Variants in CTBP2 observed in about 807,000 individuals in gnomAD.
CTBP2 encodes the protein C-terminal-binding protein 2.
Under a neutral mutation model 80.3 loss-of-function variants are expected in CTBP2, and 30 were observed. That is an observed-to-expected ratio of 0.37 (90% CI 0.28 to 0.51). The LOEUF (loss-of-function observed/expected upper bound fraction) is 0.51, where lower values mean the gene tolerates loss of function less well. Among genes scored for constraint, CTBP2 ranks in the 20% least tolerant of loss-of-function variants. The probability of loss-of-function intolerance (pLI) is 0.93; values close to 1 mark genes in which losing one functional copy is unlikely to be tolerated. For missense variants in CTBP2, 1,212 were observed against 1,375.3 expected, an observed-to-expected ratio of 0.88 and a Z score of 1.88; for synonymous variants, 594 against 587.4, an observed-to-expected ratio of 1.01 and a Z score of -0.16.
chr10:125,123,250 T>TA (rs1267973942), intron 1 of CTBP2, among the ~76,000 whole-genome samples: 5 of 152,096 alleles, frequency 3.3e-5, no homozygotes, highest in Admixed American at 2.0e-4. Context: ...CTGGTACAAA[T>TA]AGAGACCTAC....
upstream of CTBP2, chr10:125,160,922 C>T (rs998879534): frequency 1.3e-5 from 2 of 150,012 alleles, no homozygotes; most frequent in South Asian, 2.1e-4. Context: ...TTTGTTTTCT[C>T]CTCCGGGGAA....
At chr10:125,005,000 G>A (rs548350442) in intron 1 of CTBP2, among the ~76,000 whole-genome samples, 8 of 152,296 alleles carry the variant, frequency 5.3e-5, no homozygotes, top group African/African-American at 1.9e-4. Context: ...AGCCACGGGG[G>A]GGCTCCTGCT....
At chr10:125,032,366 T>C (rs1201155451), upstream of CTBP2, among the ~76,000 whole-genome samples, 1 of 152,198 alleles carries the variant, frequency 6.6e-6, no homozygotes, top group East Asian at 1.9e-4. Context: ...CACACTCCAC[T>C]GTTTGAGGTC....
At chr10:125,050,071 A>G (rs1962344320) in intron 2 of CTBP2, among the ~76,000 whole-genome samples, 1 of 149,152 alleles carries the variant, frequency 6.7e-6, no homozygotes, top group South Asian at 2.2e-4. Context: ...ATCACTCATC[A>G]TGCAAAGGCT....
chr10:125,016,397 T>C (rs1230710972), intron 1 of CTBP2, among the ~76,000 whole-genome samples: 1 of 152,240 alleles, frequency 6.6e-6, no homozygotes, highest in Non-Finnish European at 1.5e-5. Context: ...TGGAATCAGA[T>C]GGACCAATTC....
At chr10:125,100,425 T>C (rs762571194) in intron 2 of CTBP2, among the ~76,000 whole-genome samples, 5 of 152,114 alleles carry the variant, frequency 3.3e-5, no homozygotes, top group Non-Finnish European at 5.9e-5. Flanking sequence ...ATTTCCTAGG[T>C]AAGATACTGG....
chr10:125,040,073 A>T (rs965643962), intron 2 of CTBP2, among the ~76,000 whole-genome samples: 3 of 152,178 alleles, frequency 2.0e-5, no homozygotes, highest in African/African-American at 7.2e-5. Context: ...GTGCCCGGTG[A>T]GGTCCAGATC....
At chr10:125,131,152 A>G (rs572859828) in intron 1 of CTBP2, among the ~76,000 whole-genome samples, 13 of 152,292 alleles carry the variant, frequency 8.5e-5, no homozygotes, top group Admixed American at 7.8e-4. Context: ...CAGCCCGCAG[A>G]GTGCAGGCTG....
chr10:125,087,699 A>C (rs1231208430), intron 2 of CTBP2, among the ~76,000 whole-genome samples: 2 of 152,246 alleles, frequency 1.3e-5, no homozygotes, highest in African/African-American at 4.8e-5. Context: ...TTGTTTAAGC[A>C]CAAGAGGTCT....
At chr10:125,074,277 T>C (rs1257267571) in intron 2 of CTBP2, among the ~76,000 whole-genome samples, 1 of 152,182 alleles carries the variant, frequency 6.6e-6, no homozygotes, top group African/African-American at 2.4e-5. Context: ...TGCAGACAAT[T>C]GGCTGTAGGC....
At chr10:125,090,047 C>G (rs1178050755) in intron 2 of CTBP2, among the ~76,000 whole-genome samples, 1 of 152,130 alleles carries the variant, frequency 6.6e-6, no homozygotes, top group African/African-American at 2.4e-5. Flanking sequence ...ACGGCCAAAG[C>G]TATACTTGCT....
At chr10:124,997,851 CT>C in intron 4 of CTBP2, 112 bp downstream of exon 6, 1 of 1,163,752 alleles carries the variant, frequency 8.6e-7, no homozygotes, top group Non-Finnish European at 1.2e-6. Flanking sequence ...GGTGCTGGCC[CT>C]GCCTGCCCTG....
rs536100425 is a variant in CTBP2 at position 125,015,695 on chromosome 10, G to A, written c.1678+10387C>T. ...CCCGCCCGCTGTGTGGATACCGCTG[G>A]TGGAGGTGTTGGGTGAACAGCTCTC... On this transcript the variant is annotated intron_variant, in intron 1 of 8. Transcript: ENST00000309035. 1.2e-4 allele frequency among the ~76,000 whole-genome samples: 18 copies of A among 152,392 alleles called. No homozygotes were observed. The South Asian group carries it at 3.5e-3, about 30-fold the overall frequency.
intron 1 of CTBP2, among the ~76,000 whole-genome samples, chr10:125,021,768 C>T (rs1957061268): frequency 6.6e-6 from 1 of 152,150 alleles, no homozygotes; most frequent in Non-Finnish European, 1.5e-5. Flanking sequence ...AACACCGGGC[C>T]ATGAAACCCA....
At chr10:125,070,634 T>G (rs981464748) in intron 2 of CTBP2, among the ~76,000 whole-genome samples, 1 of 151,368 alleles carries the variant, frequency 6.6e-6, no homozygotes, top group South Asian at 2.1e-4. Flanking sequence ...ATATGAAATC[T>G]GTATTATCAT....
At chr10:125,098,668 GAGAGAGAGAGA>G (rs1849985736) in intron 2 of CTBP2, among the ~76,000 whole-genome samples, 3 of 85,672 alleles carry the variant, frequency 3.5e-5, no homozygotes, top group African/African-American at 5.3e-5. Context: ...GAGAGAGAGA[GAGAGAGAGAGA>G]GAGAGAGAGA....
intron 2 of CTBP2, among the ~76,000 whole-genome samples, chr10:125,065,336 A>G (rs1213402965): frequency 7.1e-6 from 1 of 140,416 alleles, no homozygotes; most frequent in African/African-American, 2.8e-5. Flanking sequence ...GCACACATGA[A>G]TCTGTGCTTT....
intron 2 of CTBP2, among the ~76,000 whole-genome samples, chr10:125,087,786 G>T (rs948928665): frequency 6.6e-6 from 1 of 152,216 alleles, no homozygotes; most frequent in Non-Finnish European, 1.5e-5. Flanking sequence ...GCAGCTCACA[G>T]CATGTACATG....
rs74442958 is a variant in CTBP2 at position 124,998,036 on chromosome 10, C to A, written c.2113G>T (p.Val705Leu). ...GAGGCCACCTCGCGGATCTGCTCCA[C>A]GCTCTGAACCCGCGTGCCTTCCCGC... is the stretch of plus-strand genomic sequence containing the variant. Residue 705 changes from valine to leucine, a missense_variant, in exon 4 of 9, where the codon GTG becomes TTG. Val to Leu is a conservative substitution (Grantham distance 32, BLOSUM62 1). Coordinates refer to ENST00000309035, the MANE Select transcript of CTBP2 (RefSeq NM_022802.3). 2 of 1,613,240 alleles carry A rather than the reference C, an allele frequency of 1.2e-6. No homozygotes were observed.
Sources: gnomAD v4.1 joint callset for allele counts (sites outside exome capture counted in the v4.1 genomes callset) on GRCh38, gnomAD v4.1.1 for gene constraint, MANE v1.5 for transcripts, NCBI Gene and HGNC (gene_info 2026-07-23, HGNC 2026-07-21) for gene names.